The following LAMA3 variants were observed in gnomAD, a reference collection of about 807,000 sequenced individuals.
LAMA3 encodes laminin subunit alpha 3.
A neutral mutation model predicts 402.0 loss-of-function variants in LAMA3; 281 were observed. The observed-to-expected ratio is 0.70, with a 90% CI of 0.63 to 0.77. The LOEUF is 0.77. Ranked by LOEUF, LAMA3 falls within the 30% of genes least tolerant of loss-of-function variation. The probability of loss-of-function intolerance (pLI) is 0.00; values close to 1 mark genes in which losing one functional copy is unlikely to be tolerated. For missense variants in LAMA3, 3,840 were observed against 4,215.5 expected, an observed-to-expected ratio of 0.91 and a Z score of 2.47; for synonymous variants, 1,431 against 1,558.4, an observed-to-expected ratio of 0.92 and a Z score of 1.93.
At chr18:23,857,695 G>A in intron 32 of LAMA3, 149 bp from the exon 33 acceptor site, 1 of 991,722 alleles carries the variant, frequency 1.0e-6, no homozygotes, top group Admixed American at 1.8e-5. Flanking sequence ...CCTTTTATCT[G>A]CCTCTCTCCA....
At chr18:23,810,306 G>T in intron 12 of LAMA3, 60 bp from the exon 13 acceptor site, 1 of 1,606,182 alleles carries the variant, frequency 6.2e-7, no homozygotes, top group Non-Finnish European at 8.5e-7. Flanking sequence ...CCGGGACGTG[G>T]TTCTTCCCCC....
intron 8 of LAMA3, among the ~76,000 whole-genome samples, chr18:23,765,767 TA>T (rs2062063536): frequency 6.6e-6 from 1 of 152,108 alleles, no homozygotes; most frequent in East Asian, 1.9e-4. Context: ...ATAAAAACTG[TA>T]AAAGGATCAA....
At chr18:23,890,184 C>T (rs901965147) in intron 42 of LAMA3, 67 bp downstream of exon 42, 15 of 1,010,214 alleles carry the variant, frequency 1.5e-5, no homozygotes, top group Non-Finnish European at 2.4e-5. Flanking sequence ...AGCCTAAGAA[C>T]CCAAGCACAC....
At chr18:23,823,583 C>G (rs2063327916) in intron 20 of LAMA3, among the ~76,000 whole-genome samples, 1 of 152,176 alleles carries the variant, frequency 6.6e-6, no homozygotes, top group African/African-American at 2.4e-5. Flanking sequence ...CCTCTCTGGT[C>G]CTCACCAGCA....
At chr18:23,892,624 C>T (rs1051870988) in intron 42 of LAMA3, among the ~76,000 whole-genome samples, 4 of 151,930 alleles carry the variant, frequency 2.6e-5, no homozygotes, top group Non-Finnish European at 5.9e-5. Flanking sequence ...AGCAAATGGC[C>T]GGGCATGGTG....
intron 47 of LAMA3, among the ~76,000 whole-genome samples, chr18:23,900,350 C>T (rs1384366022): frequency 2.6e-5 from 4 of 152,260 alleles, no homozygotes; most frequent in East Asian, 1.9e-4. Flanking sequence ...AGATTACAGG[C>T]GTGAGCCACC....
chr18:23,941,084 C>A (rs539916960), intron 68 of LAMA3, among the ~76,000 whole-genome samples: 99 of 152,070 alleles, frequency 6.5e-4, no homozygotes, highest in African/African-American at 2.3e-3. Context: ...TATAGGCACC[C>A]GCCACCACGC....
chr18:23,727,117 T>C (rs2061313460), intron 2 of LAMA3, among the ~76,000 whole-genome samples: 1 of 152,230 alleles, frequency 6.6e-6, no homozygotes, highest in Non-Finnish European at 1.5e-5. Context: ...TTATTGTTTT[T>C]GTTGCTTGTG....
At chr18:23,814,606 A>C (rs1313094548) in intron 15 of LAMA3, 104 bp downstream of exon 15, 1 of 762,258 alleles carries the variant, frequency 1.3e-6, no homozygotes, top group Non-Finnish European at 2.3e-6. Context: ...AATCACTTCA[A>C]TTTGACAAGA....
chr18:23,828,051 C>T (rs1300542795), intron 23 of LAMA3, among the ~76,000 whole-genome samples: 4 of 152,114 alleles, frequency 2.6e-5, no homozygotes, highest in African/African-American at 4.8e-5. Flanking sequence ...ATTTCAGATT[C>T]GAGTTAGAGC....
At position 23,861,674 on chromosome 18, in the gene LAMA3, A is replaced by G. The variant is rs934624666; in HGVS notation, c.4451A>G (p.Glu1484Gly). Residue 1484 changes from glutamate to glycine, a missense_variant, in exon 35 of 75, where the codon GAG (glutamate) becomes GGG (glycine). Coordinates refer to ENST00000313654, the MANE Select transcript of LAMA3 (RefSeq NM_198129.4). ...KFVDMLGWHL[E>G]TADRVDIPVS... ...GTGGATATGCTGGGCTGGCACCTGG[A>G]GACAGCAGACAGAGTGGACATCCCT... The G allele has an allele frequency of 6.2e-7, 1 of 1,614,164 alleles. No individual in the cohort carries two copies. Among genetic ancestry groups the G allele is most frequent in the Non-Finnish European group, 8.5e-7 (1 of 1,180,030 alleles).
At chr18:23,795,470 G>C (rs2062744126) in intron 12 of LAMA3, among the ~76,000 whole-genome samples, 1 of 152,194 alleles carries the variant, frequency 6.6e-6, no homozygotes, top group South Asian at 2.1e-4. Flanking sequence ...GGGAAGGAAA[G>C]TATAAAATAC....
intron 52 of LAMA3, among the ~76,000 whole-genome samples, chr18:23,907,302 A>G (rs553622480): frequency 9.8e-5 from 15 of 152,290 alleles, no homozygotes; most frequent in Admixed American, 2.0e-4. Context: ...CAAGTTATTC[A>G]GCCTCTTTCT....
At chr18:23,894,781 C>A in intron 43 of LAMA3, 126 bp from the exon 44 acceptor site, 2 of 1,182,268 alleles carry the variant, frequency 1.7e-6, no homozygotes, top group Non-Finnish European at 1.2e-6. Context: ...CTGAGAAGGC[C>A]AGGGCTGTGG....
intron 8 of LAMA3, among the ~76,000 whole-genome samples, chr18:23,767,709 G>A (rs1208658705): frequency 1.3e-5 from 2 of 151,792 alleles, no homozygotes; most frequent in African/African-American, 4.8e-5. Flanking sequence ...AAGTAGCTGG[G>A]ACTACAGGTG....
chr18:23,902,142 G>A (rs2081092456), intron 48 of LAMA3, among the ~76,000 whole-genome samples: 1 of 152,278 alleles, frequency 6.6e-6, no homozygotes, highest in South Asian at 2.1e-4. Flanking sequence ...CGGCAATGTA[G>A]TGAGACCCTG....
intron 11 of LAMA3, among the ~76,000 whole-genome samples, chr18:23,778,654 G>A (rs922015628): frequency 2.0e-5 from 3 of 152,278 alleles, no homozygotes; most frequent in Admixed American, 6.5e-5. Context: ...CACAGCCCAC[G>A]ACTGGGCACC....
chr18:23,755,378 G>A (rs1016556299), intron 6 of LAMA3, among the ~76,000 whole-genome samples: 1 of 152,334 alleles, frequency 6.6e-6, no homozygotes, highest in Non-Finnish European at 1.5e-5. Flanking sequence ...GAAAGGCTCA[G>A]TTTGGCAGCA....
intron 68 of LAMA3, among the ~76,000 whole-genome samples, chr18:23,942,808 C>T (rs1257925441): frequency 1.3e-5 from 2 of 152,124 alleles, no homozygotes; most frequent in Non-Finnish European, 2.9e-5. Context: ...GAACTCCTGA[C>T]CTCAGGTGAT....
Sources: gnomAD v4.1 joint callset for allele counts (sites outside exome capture counted in the v4.1 genomes callset) on GRCh38, gnomAD v4.1.1 for gene constraint, MANE v1.5 for transcripts, NCBI Gene and HGNC (gene_info 2026-07-23, HGNC 2026-07-21) for gene names.